Variants in TOX3 observed in about 807,000 individuals in gnomAD.
The protein encoded by TOX3 is CAG trinucleotide repeat-containing gene F9 protein.
Under a neutral mutation model 64.3 loss-of-function variants are expected in TOX3, and 22 were observed. The observed-to-expected ratio is 0.34, with a 90% CI of 0.24 to 0.49. The LOEUF (loss-of-function observed/expected upper bound fraction) is 0.49, where lower values mean the gene tolerates loss of function less well. Among genes scored for constraint, TOX3 ranks in the 20% least tolerant of loss-of-function variants. The pLI, the probability that TOX3 is intolerant of heterozygous loss-of-function variation, is 0.99. For synonymous variants in TOX3, 291 were observed against 273.6 expected (o/e 1.06, Z -0.63); for missense variants, 661 against 714.4 (o/e 0.93, Z 0.85).
intron 1 of TOX3, among the ~76,000 whole-genome samples, chr16:52,513,553 C>T (rs937943985): frequency 3.3e-5 from 5 of 152,172 alleles, no homozygotes; most frequent in African/African-American, 7.2e-5. Context: ...TTCCTAACAG[C>T]GTACCTACAA....
Position 52,517,414 on chromosome 16 carries a change from G to T in TOX3, c.87+29223C>A, listed in dbSNP as rs77245422. ...AATACTGGAAGGAAAAGAAGGTATT[G>T]GGAAGCCAGGATGGTTTGTTGGGGC... On this transcript the variant is annotated intron_variant, in intron 1 of 6. Transcript: ENST00000219746. 2.0e-3 allele frequency among the ~76,000 whole-genome samples: 309 copies of T among 152,194 alleles called. 1 individual carries two copies. Among genetic ancestry groups the T allele is most frequent in the East Asian group, 7.3e-3 (38 of 5,186 alleles).
intron 1 of TOX3, among the ~76,000 whole-genome samples, chr16:52,496,602 C>T (rs531798780): frequency 6.6e-6 from 1 of 152,298 alleles, no homozygotes; most frequent in Admixed American, 6.5e-5. Flanking sequence ...AACAGAATTG[C>T]TTTGTTCAGC....
chr16:52,526,506 T>C (rs1962729673), intron 1 of TOX3, among the ~76,000 whole-genome samples: 1 of 152,094 alleles, frequency 6.6e-6, no homozygotes, highest in African/African-American at 2.4e-5. Flanking sequence ...AGAGCAACTT[T>C]TCATTTCCAT....
intron 5 of TOX3, 113 bp downstream of exon 5, chr16:52,445,881 A>G (rs962871782): frequency 4.1e-6 from 4 of 986,638 alleles, no homozygotes; most frequent in Non-Finnish European, 5.9e-6. Context: ...TTAGAAAAGG[A>G]TTTCAAAAGA....
intron 1 of TOX3, among the ~76,000 whole-genome samples, chr16:52,517,969 C>T (rs548859064): frequency 3.9e-4 from 60 of 152,182 alleles, no homozygotes; most frequent in African/African-American, 1.4e-3. Context: ...AAGTGAAAAA[C>T]AGGTGCCTCT....
chr16:52,544,151 G>A (rs1295216589), intron 1 of TOX3, among the ~76,000 whole-genome samples: 1 of 152,134 alleles, frequency 6.6e-6, no homozygotes, highest in Non-Finnish European at 1.5e-5. Flanking sequence ...AATTAATAAT[G>A]TGAGTATTTT....
chr16:52,440,752 C>CTTTTTTT (rs60615310), intron 6 of TOX3, among the ~76,000 whole-genome samples: 16 of 66,610 alleles, frequency 2.4e-4, no homozygotes, highest in Admixed American at 3.9e-4. Context: ...TTCTTTCTTT[C>CTTTTTTT]TTTTTTTTTT....
intron 1 of TOX3, among the ~76,000 whole-genome samples, chr16:52,491,706 T>A (rs987600258): frequency 2.0e-5 from 3 of 152,180 alleles, no homozygotes; most frequent in Non-Finnish European, 4.4e-5. Context: ...GGATACACTA[T>A]GTGGAACACT....
At chr16:52,448,690 C>T (rs1960240580) in intron 4 of TOX3, among the ~76,000 whole-genome samples, 1 of 152,198 alleles carries the variant, frequency 6.6e-6, no homozygotes, top group Non-Finnish European at 1.5e-5. Flanking sequence ...TCCTCTTCTT[C>T]CTTTTGCTAC....
At chr16:52,494,664 G>A (rs2151460165) in intron 1 of TOX3, among the ~76,000 whole-genome samples, 1 of 152,230 alleles carries the variant, frequency 6.6e-6, no homozygotes, top group East Asian at 1.9e-4. Flanking sequence ...TTCCACTCAA[G>A]ATCATCCTCT....
At chr16:52,492,624 T>A (rs1373923499) in intron 1 of TOX3, among the ~76,000 whole-genome samples, 2 of 143,066 alleles carry the variant, frequency 1.4e-5, no homozygotes, top group Non-Finnish European at 3.0e-5. Context: ...AGGTAGAATG[T>A]TCATGAGAAA....
chr16:52,515,967 TTGTGTG>T (rs3086690), intron 1 of TOX3, among the ~76,000 whole-genome samples: 2 of 149,600 alleles, frequency 1.3e-5, no homozygotes, highest in Non-Finnish European at 3.0e-5. Context: ...AAATGTGTGC[TTGTGTG>T]TGTGTGTGTG....
chr16:52,537,008 C>G (rs1962964574), intron 1 of TOX3, among the ~76,000 whole-genome samples: 1 of 151,964 alleles, frequency 6.6e-6, no homozygotes, highest in African/African-American at 2.4e-5. Flanking sequence ...CCTTTATCTA[C>G]AGTGTTCGTT....
chr16:52,457,622 G>A (rs185644622), intron 3 of TOX3, among the ~76,000 whole-genome samples: 10 of 152,206 alleles, frequency 6.6e-5, no homozygotes, highest in Admixed American at 3.9e-4. Flanking sequence ...ACTGCAAATA[G>A]GAAATGCAGG....
intron 1 of TOX3, among the ~76,000 whole-genome samples, chr16:52,537,923 T>A (rs1277852136): frequency 1.4e-5 from 2 of 146,498 alleles, no homozygotes; most frequent in Non-Finnish European, 1.5e-5. Context: ...AAAAAACAGA[T>A]GAAAGCAGAG....
chr16:52,452,342 G>GT lies in TOX3; in HGVS notation c.409-1797dup, dbSNP rs1357745242. On this transcript the variant is annotated intron_variant, in intron 3 of 6. Transcript: ENST00000219746. ...TATGAGTGAGAACATGCGGTGTTTG[G>GT]TTTTTTGTCCTTGTGATAGATTGCT... Among the ~76,000 whole-genome samples the GT allele has an allele frequency of 4.6e-5, 7 of 152,146 alleles. 1 individual carries two copies. The highest frequency in any genetic ancestry group is 4.1e-4 in the South Asian group (2 of 4,824).
In TOX3 at chr16:52,446,142, T is replaced by C. The variant is rs1390608064; in HGVS notation, c.758A>G (p.Asn253Ser). ...TGCTGACACTGGCTTCTGTGGCTCA[T>C]TGGGATCTTTCTTTTTCTTTTTCTT... ...TPKKKKKKDP[N>S]EPQKPVSAYA... The change falls in exon 5 of 7, where the codon AAT becomes AGT. Residue 253 changes from asparagine (N) to serine (S), a missense_variant. Physicochemically the swap from Asn to Ser is conservative, Grantham distance 46. Coordinates refer to ENST00000219746, the MANE Select transcript of TOX3 (RefSeq NM_001080430.4). 2 of 1,613,916 alleles carry C rather than the reference T, an allele frequency of 1.2e-6. No individual in the cohort carries two copies. Among genetic ancestry groups the C allele is most frequent in the South Asian group, 1.1e-5 (1 of 91,094 alleles).
chr16:52,447,923 C>G (rs1489606142), intron 4 of TOX3, among the ~76,000 whole-genome samples: 1 of 152,150 alleles, frequency 6.6e-6, no homozygotes, highest in Admixed American at 6.5e-5. Flanking sequence ...AATACCCTGA[C>G]CAATGGCAAG....
At chr16:52,452,407 G>A (rs190078810) in intron 3 of TOX3, among the ~76,000 whole-genome samples, 2,059 of 152,222 alleles carry the variant, frequency 0.014, 34 homozygotes, top group Non-Finnish European at 0.021. Context: ...TACCTATAAA[G>A]GACATGAACT....
Sources: gnomAD v4.1 joint callset for allele counts (sites outside exome capture counted in the v4.1 genomes callset) on GRCh38, gnomAD v4.1.1 for gene constraint, MANE v1.5 for transcripts, NCBI Gene and HGNC (gene_info 2026-07-23, HGNC 2026-07-21) for gene names.